The following TPM4 variants were observed in gnomAD, a reference collection of about 807,000 sequenced individuals.
The protein encoded by TPM4 is tropomyosin alpha-4 chain.
Under a neutral mutation model 35.8 loss-of-function variants are expected in TPM4, and 17 were observed. The ratio of observed to expected loss-of-function variants is 0.47; its 90% confidence interval spans 0.32 to 0.71. The LOEUF (loss-of-function observed/expected upper bound fraction) is 0.71. Ranked by LOEUF, TPM4 falls within the 30% of genes least tolerant of loss-of-function variation. The pLI, the probability that TPM4 is intolerant of heterozygous loss-of-function variation, is 0.03. For missense variants in TPM4, 240 were observed against 320.9 expected (o/e 0.75, Z 1.93); for synonymous variants, 120 against 122.9 (o/e 0.98, Z 0.15).
chr19:16,076,923 G>C (rs1204313933), intron 1 of TPM4: 2 of 975,900 alleles, frequency 2.0e-6, no homozygotes, highest in Admixed American at 4.6e-5. Context: ...CGCCGCCTCC[G>C]GGTCGGGCGG....
intron 5 of TPM4, among the ~76,000 whole-genome samples, chr19:16,092,733 G>A (rs560473995): frequency 1.3e-4 from 20 of 152,012 alleles, no homozygotes; most frequent in Non-Finnish European, 2.8e-4. Context: ...ACAGCGTTTC[G>A]CCATGTTGGC....
At position 16,099,076 on chromosome 19, in the gene TPM4, G is replaced by GTGTGTGTGTGTGTGTT. The variant is rs1555711792; in HGVS notation, c.665-2173_665-2172insTTGTGTGTGTGTGTGT. On this transcript the variant is annotated intron_variant, in intron 7 of 7. Transcript: ENST00000643579. ...AGGTCATAGTCACTTGACTCTGTGT[G>GTGTGTGTGTGTGTGTT]TGTGTGTGTGTGTGTGTGTGTGTGA... Among the ~76,000 whole-genome samples, 431 of 137,336 alleles carry GTGTGTGTGTGTGTGTT rather than the reference G, an allele frequency of 3.1e-3. 2 individuals carry two copies. The highest frequency in any genetic ancestry group is 0.011 in the African/African-American group (399 of 37,180). The allele number at this position is 137,336 out of a possible 152,430, so 90.1% of individuals were successfully genotyped here. A position where few individuals can be genotyped will look rare whatever the true frequency, so the allele number is the denominator to read the frequency against.
rs757671107 is a variant in TPM4, at chr19:16,081,908, C to A, written c.133-5C>A. On this transcript the variant is annotated splice_region_variant and splice_polypyrimidine_tract_variant and intron_variant, in intron 1 of 7. Transcript: ENST00000643579. ...TTAACATGGCTGCACCTCCGACCTC[C>A]CCAGGCTGAAGGTGATGTGGCCGCC... The A allele has an allele frequency of 1.8e-5, 28 of 1,591,374 alleles. No individual in the cohort carries two copies. The East Asian group carries it at 6.3e-4, about 36-fold the overall frequency.
chr19:16,078,904 T>C (rs2090447043), intron 1 of TPM4, among the ~76,000 whole-genome samples: 1 of 151,266 alleles, frequency 6.6e-6, no homozygotes, highest in South Asian at 2.1e-4. Flanking sequence ...CTTCTGGGCC[T>C]GTTTCCCGAC....
chr19:16,078,246 G>C (rs1478253584), intron 1 of TPM4: 1 of 397,940 alleles, frequency 2.5e-6, no homozygotes, highest in East Asian at 3.6e-5. Context: ...AAATAAGTTT[G>C]CTGGGACCAG....
Position 16,070,612 on chromosome 19 carries a change from G to A in TPM4, c.114+2874G>A, listed in dbSNP as rs925728866. Among the ~76,000 whole-genome samples, 9 of 152,190 alleles carry A rather than the reference G, an allele frequency of 5.9e-5. No homozygotes were observed. Among genetic ancestry groups the A allele is most frequent in the East Asian group, 5.8e-4 (3 of 5,198 alleles). ...GAGTGAGATACGGAAGTGACAGTAG[G>A]GCCTCCCTTGCCACCCCATGACAGG... On this transcript the variant is annotated intron_variant, in intron 2 of 2. Coordinates refer to the TPM4 transcript ENST00000589897. This position sits in a 1 kb window ranked among gnomAD's most constrained non-coding sequence, Gnocchi z 7.4.
At chr19:16,097,086 T>C (rs1266266873) in intron 7 of TPM4, among the ~76,000 whole-genome samples, 1 of 150,400 alleles carries the variant, frequency 6.6e-6, no homozygotes, top group Admixed American at 6.7e-5. Context: ...CCCGAGTAGC[T>C]GGGATTACAG....
upstream of TPM4, among the ~76,000 whole-genome samples, chr19:16,071,892 G>A (rs1356274751): frequency 1.3e-5 from 2 of 152,188 alleles, no homozygotes; most frequent in Non-Finnish European, 2.9e-5. Flanking sequence ...CCTGCCCCAA[G>A]GCCCCATTTG....
intron 7 of TPM4, among the ~76,000 whole-genome samples, chr19:16,099,072 G>GTGTGTGTGTGTGTGTGTT (rs2090734715): frequency 2.9e-5 from 2 of 68,224 alleles, no homozygotes; most frequent in African/African-American, 1.1e-4. Flanking sequence ...ACTTGACTCT[G>GTGTGTGTGTGTGTGTGTT]TGTGTGTGTG....
chr19:16,076,923 G>A, intron 1 of TPM4: 3 of 976,014 alleles, frequency 3.1e-6, no homozygotes, highest in Non-Finnish European at 3.9e-6. Context: ...CGCCGCCTCC[G>A]GGTCGGGCGG....
Position 16,070,843 on chromosome 19 carries a change from G to T in TPM4, c.114+3105G>T, listed in dbSNP as rs559681859. 1.3e-5 allele frequency among the ~76,000 whole-genome samples: 2 copies of T among 151,712 alleles called. No homozygotes were observed. Among genetic ancestry groups the T allele is most frequent in the African/African-American group, 2.4e-5 (1 of 41,246 alleles). ...GTGTTCCCTGCCACAAGCTCTCTCC[G>T]CCTTCTCTGTGCCCCTCCCTGGCAA... On this transcript the variant is annotated intron_variant, in intron 2 of 2. Transcript: ENST00000589897. This position sits in a 1 kb window ranked among gnomAD's most constrained non-coding sequence, Gnocchi z 7.4.
chr19:16,073,252 TG>T (rs1309633309), upstream of TPM4, among the ~76,000 whole-genome samples: 3 of 152,180 alleles, frequency 2.0e-5, no homozygotes, highest in Non-Finnish European at 4.4e-5. Context: ...CTGTCAGATT[TG>T]CTCTCACTCT....
At chr19:16,093,658 A>T (rs368370052) in intron 6 of TPM4, 26 bp from the exon 7 acceptor site, 17 of 1,614,098 alleles carry the variant, frequency 1.1e-5, no homozygotes, top group Non-Finnish European at 1.4e-5. Context: ...TGAAGCCATG[A>T]TAGTAACTCC....
At chr19:16,095,119 G>A (rs939211786) in intron 7 of TPM4, 7 of 350,752 alleles carry the variant, frequency 2.0e-5, no homozygotes, top group Non-Finnish European at 2.5e-5. Context: ...GTTTCACATG[G>A]AACACAGCTT....
rs1284092070 is a variant in TPM4, at chr19:16,070,726, C to T, written c.114+2988C>T. 2.6e-5 allele frequency among the ~76,000 whole-genome samples: 4 copies of T among 152,116 alleles called. No homozygotes were observed. Among genetic ancestry groups the T allele is most frequent in the Admixed American group, 6.5e-5 (1 of 15,286 alleles). On this transcript the variant is annotated intron_variant, in intron 2 of 2. Transcript: ENST00000589897. This position sits in a 1 kb window ranked among gnomAD's most constrained non-coding sequence, Gnocchi z 7.4. ...AAATGTAGGTTGATTTCCTGCCCCG[C>T]CCTACTTCCCCTTTGGGCCTCCCCA... is the stretch of plus-strand genomic sequence containing the variant.
chr19:16,087,207 G>T (rs2090566614), intron 3 of TPM4, among the ~76,000 whole-genome samples: 2 of 151,814 alleles, frequency 1.3e-5, no homozygotes, highest in Admixed American at 1.3e-4. Flanking sequence ...GCTTGAACCT[G>T]GGAAGTCAAG....
intron 1 of TPM4, chr19:16,080,988 T>A: frequency 2.5e-6 from 1 of 398,562 alleles, no homozygotes. Flanking sequence ...TTTCTTTCCC[T>A]TTCCATATCT....
chr19:16,086,045 G>C (rs1439754148), intron 2 of TPM4, among the ~76,000 whole-genome samples: 1 of 149,994 alleles, frequency 6.7e-6, no homozygotes, highest in Non-Finnish European at 1.5e-5. Context: ...CTCCAGCCTG[G>C]GTGACAGAGC....
Position 16,084,827 on chromosome 19 carries a change from C to T in TPM4, c.267-1596C>T, listed in dbSNP as rs909585283. On this transcript the variant is annotated intron_variant, in intron 2 of 7. Transcript: ENST00000643579. ...GGGTGTTTTGAGACTTAGCTGAGAA[C>T]GGGTGACACCCCACGTGAACATATT... Among the ~76,000 whole-genome samples the T allele has an allele frequency of 2.6e-5, 4 of 152,208 alleles. No homozygotes were observed. The East Asian group carries it at 7.7e-4, about 29-fold the overall frequency.
Sources: allele counts gnomAD v4.1 joint callset (sites outside exome capture counted in the v4.1 genomes callset), GRCh38; gene constraint gnomAD v4.1.1; non-coding constraint Gnocchi (gnomAD v3.1); transcripts MANE v1.5; gene names NCBI Gene and HGNC (gene_info 2026-07-23, HGNC 2026-07-21).